Variants in ASNSD1 observed in about 807,000 individuals in gnomAD.
ASNSD1 encodes the protein asparagine synthetase domain-containing protein 1.
In ASNSD1, 36 loss-of-function variants were observed where a neutral mutation model predicts 48.3. The observed-to-expected ratio is 0.75, with a 90% CI of 0.57 to 0.99. ASNSD1 has a LOEUF of 0.99. Among genes scored for constraint, ASNSD1 ranks in the 50% least tolerant of loss-of-function variants. ASNSD1 has a pLI of 0.00. For missense variants in ASNSD1, 714 were observed against 758.2 expected, an observed-to-expected ratio of 0.94 and a Z score of 0.69; for synonymous variants, 257 against 262.1, an observed-to-expected ratio of 0.98 and a Z score of 0.19.
chr2:189,664,600 T>TA (rs1296718801), intron 2 of ASNSD1, among the ~76,000 whole-genome samples: 1 of 152,174 alleles, frequency 6.6e-6, no homozygotes, highest in African/African-American at 2.4e-5. Context: ...TTGAGGCACA[T>TA]ACAAAAATTA....
chr2:189,666,929 C>T lies in ASNSD1; in HGVS notation c.797C>T (p.Thr266Ile), dbSNP rs1054840480. The part of the protein sequence containing the change: ...HCSNISNVPP[T>I]REILQVFLTD... ...AGTAATATTTCCAATGTGCCACCTA[C>T]AAGAGAGATACTTCAAGTCTTTCTT... The change falls in exon 4 of 6, where the codon ACA becomes ATA. Residue 266 changes from threonine (T) to isoleucine (I), a missense_variant. Thr to Ile is a moderately conservative substitution (Grantham distance 89, BLOSUM62 -1). Coordinates refer to ENST00000260952, the MANE Select transcript of ASNSD1 (RefSeq NM_019048.4). 1.9e-5 allele frequency: 30 copies of T among 1,613,930 alleles called. No homozygotes were observed. Among genetic ancestry groups the T allele is most frequent in the Non-Finnish European group, 2.5e-5 (30 of 1,179,994 alleles).
At position 189,667,473 on chromosome 2, in the gene ASNSD1, C is replaced by G. The variant is rs750043361; in HGVS notation, c.1341C>G (p.His447Gln). The change falls in exon 4 of 6, where the codon CAC (histidine) becomes CAG (glutamine). Residue 447 changes from histidine to glutamine, a missense_variant. Coordinates refer to ENST00000260952, the MANE Select transcript of ASNSD1 (RefSeq NM_019048.4). ...AATTAAGAAGAACTCGAATATGTCA[C>G]TTAATTCGGCCATTGGATACAGTTT... is the stretch of plus-strand genomic sequence containing the variant. ...LQKLRRTRIC[H>Q]LIRPLDTVLD... is the part of the protein sequence containing the mutation. 1 of 1,614,080 alleles carries G rather than the reference C, an allele frequency of 6.2e-7. No homozygotes were observed. The highest frequency in any genetic ancestry group is 1.3e-5 in the African/African-American group (1 of 74,928).
Position 189,666,707 on chromosome 2 carries a change from T to C in ASNSD1, c.575T>C (p.Ile192Thr). Residue 192 changes from isoleucine to threonine, a missense_variant, in exon 4 of 6, where the codon ATT (isoleucine) becomes ACT (threonine). Ile to Thr is a moderately conservative substitution (Grantham distance 89). Transcript: ENST00000260952. The part of the protein sequence containing the change: ...DLKSTVISGC[I>T]ILQLYPWKYI... ...AAGTCTACTGTCATTTCCGGATGCA[T>C]TATTTTACAACTGTATCCTTGGAAA... 6.2e-7 allele frequency: 1 copy of C among 1,612,420 alleles called. No homozygotes were observed. Among genetic ancestry groups the C allele is most frequent in the African/African-American group, 1.3e-5 (1 of 75,012 alleles).
Position 189,670,485 on chromosome 2 carries a change from T to C in ASNSD1, c.1691T>C (p.Leu564Pro). 6.2e-7 allele frequency: 1 copy of C among 1,613,164 alleles called. No individual in the cohort carries two copies. Among genetic ancestry groups the C allele is most frequent in the South Asian group, 1.1e-5 (1 of 90,874 alleles). Residue 564 changes from leucine to proline, a missense_variant, in exon 6 of 6, where the codon CTG becomes CCG. Leu to Pro is a moderately conservative substitution (Grantham distance 98). Transcript: ENST00000260952. Reference protein sequence around the residue: ...DENVVSFLNSLPIWEKANLTL... With the variant: ...DENVVSFLNSPPIWEKANLTL... The stretch of plus-strand genomic sequence containing the variant: ...AATGTTGTCTCCTTTCTAAATTCTC[T>C]GCCGATTTGGGAAAAAGCAAACTTG...
chr2:189,667,342 C>G lies in ASNSD1; in HGVS notation c.1210C>G (p.Pro404Ala). The change falls in exon 4 of 6, where the codon CCA becomes GCA. Residue 404 changes from proline to alanine, a missense_variant. Physicochemically the swap from Pro to Ala is conservative, Grantham distance 27. Coordinates refer to ENST00000260952, the MANE Select transcript of ASNSD1 (RefSeq NM_019048.4). Reference sequence around the variant, plus strand: ...CAGTCCTAATAAACATGTCAGTGTACCAGATCGAATCACAGGAAGGGCGGG... The same window carrying G: ...CAGTCCTAATAAACATGTCAGTGTAGCAGATCGAATCACAGGAAGGGCGGG... ...ADSPNKHVSVPDRITGRAGLK... is the reference protein window; with the variant it reads ...ADSPNKHVSVADRITGRAGLK... The G allele has an allele frequency of 6.2e-7, 1 of 1,614,078 alleles. No individual in the cohort carries two copies. Among genetic ancestry groups the G allele is most frequent in the Non-Finnish European group, 8.5e-7 (1 of 1,180,006 alleles).
chr2:189,670,360 A>C (rs977435210), intron 5 of ASNSD1, 81 bp from the exon 6 acceptor site: 51 of 1,228,002 alleles, frequency 4.2e-5, no homozygotes, highest in Admixed American at 2.9e-4. Flanking sequence ...ATTTGGTTAA[A>C]TTTTAGCTAT....
rs1423720024 is a variant in ASNSD1, at chr2:189,667,486, T to C, written c.1354T>C (p.Leu452=). 1.2e-6 allele frequency: 2 copies of C among 1,614,062 alleles called. No individual in the cohort carries two copies. Among genetic ancestry groups the C allele is most frequent in the African/African-American group, 2.7e-5 (2 of 74,928 alleles). The change falls in exon 4 of 6, where the codon TTG becomes CTG. Residue 452 remains leucine, a synonymous_variant. Transcript: ENST00000260952. ...TCGAATATGTCACTTAATTCGGCCA[T>C]TGGATACAGTTTTGGATGATAGCAT... The part of the protein sequence containing the change: ...RTRICHLIRP[L]DTVLDDSIGC...
intron 5 of ASNSD1, among the ~76,000 whole-genome samples, chr2:189,668,476 T>C (rs1016180673): frequency 6.6e-6 from 1 of 151,406 alleles, no homozygotes; most frequent in African/African-American, 2.4e-5. Context: ...GCCACCGCAC[T>C]CCAGCCTGGG....
chr2:189,663,238 TA>T (rs201229463), intron 1 of ASNSD1, among the ~76,000 whole-genome samples: 3,021 of 127,078 alleles, frequency 0.024, 70 homozygotes, highest in East Asian at 0.12. Flanking sequence ...CATATATATA[TA>T]TTTTTTAAAT....
rs568947754 is a variant in ASNSD1 at position 189,665,668 on chromosome 2, A to G, written c.-93+217A>G. ...TATATTATAAATGTTTTAGAAAGCA[A>G]TAGTTATTAACATGTGCTTTAGAAT... On this transcript the variant is annotated intron_variant, in intron 3 of 5. Transcript: ENST00000260952. Among the ~76,000 whole-genome samples the G allele has an allele frequency of 1.9e-4, 28 of 143,844 alleles. 2 individuals are homozygous for G. Among genetic ancestry groups the G allele is most frequent in the African/African-American group, 7.2e-4 (28 of 38,714 alleles). 94.4% of individuals were successfully genotyped at this position (143,844 alleles called of 152,430 possible).
intron 5 of ASNSD1, among the ~76,000 whole-genome samples, chr2:189,668,423 T>C (rs1024288189): frequency 1.3e-5 from 2 of 152,176 alleles, no homozygotes; most frequent in African/African-American, 4.8e-5. Flanking sequence ...AGGCTGAGAA[T>C]GGCTGAACCC....
Position 189,667,256 on chromosome 2 carries a change from A to C in ASNSD1, c.1124A>C (p.Lys375Thr), listed in dbSNP as rs2032829272. Residue 375 changes from lysine to threonine, a missense_variant, in exon 4 of 6, where the codon AAA (lysine) becomes ACA (threonine). By Grantham distance (78) the Lys-to-Thr change is moderately conservative. Transcript: ENST00000260952. ...TTTAACAGAGAAGGGAATAAACAGA[A>C]AAATAAATGTGAAATACCTTCAGAA... The part of the protein sequence containing the change: ...TTFNREGNKQ[K>T]NKCEIPSEEF... 1.2e-6 allele frequency: 2 copies of C among 1,614,164 alleles called. No homozygotes were observed. The highest frequency in any genetic ancestry group is 4.5e-5 in the East Asian group (2 of 44,890).
At chr2:189,663,481 G>A (rs1466618920) in intron 1 of ASNSD1, among the ~76,000 whole-genome samples, 1 of 152,154 alleles carries the variant, frequency 6.6e-6, no homozygotes, top group Admixed American at 6.5e-5. Context: ...TCGAACTCCC[G>A]ACTTCAGGTG....
At chr2:189,665,598 G>GTATATATATATATATATA (rs869147580) in intron 3 of ASNSD1, 147 bp downstream of exon 3, 1 of 14,634 alleles carries the variant, frequency 6.8e-5, no homozygotes, top group African/African-American at 1.2e-4. Context: ...ATATATATGT[G>GTATATATATATATATATA]TATATATATA....
Position 189,667,101 on chromosome 2 carries a change from A to G in ASNSD1, c.969A>G (p.Ala323=). The change falls in exon 4 of 6, where the codon GCA becomes GCG. Residue 323 remains alanine, a synonymous_variant. Coordinates refer to ENST00000260952, the MANE Select transcript of ASNSD1 (RefSeq NM_019048.4). ...LKTCDRKANV[A]ILFSGGIDSM... is the part of the protein sequence containing the mutation. The stretch of plus-strand genomic sequence containing the variant: ...CGTGTGATAGGAAAGCAAATGTTGC[A>G]ATCCTGTTTTCTGGGGGCATTGATT... 1 of 1,614,212 alleles carries G rather than the reference A, an allele frequency of 6.2e-7. No homozygotes were observed. Among genetic ancestry groups the G allele is most frequent in the Non-Finnish European group, 8.5e-7 (1 of 1,180,024 alleles).
At chr2:189,668,808 G>A (rs1289226811) in intron 5 of ASNSD1, among the ~76,000 whole-genome samples, 2 of 152,180 alleles carry the variant, frequency 1.3e-5, no homozygotes, top group Admixed American at 1.3e-4. Context: ...TTTCATGTAT[G>A]TATTCTTGCT....
chr2:189,669,079 T>C (rs930020693), intron 5 of ASNSD1, among the ~76,000 whole-genome samples: 1 of 152,008 alleles, frequency 6.6e-6, no homozygotes, highest in Non-Finnish European at 1.5e-5. Flanking sequence ...CTCTCTCTCT[T>C]TGACTTCATT....
In ASNSD1 at chr2:189,670,518, C is replaced by T. The variant is rs779398264; in HGVS notation, c.1724C>T (p.Pro575Leu). The change falls in exon 6 of 6, where the codon CCC (proline) becomes CTC (leucine). Residue 575 changes from proline to leucine, a missense_variant. Coordinates refer to ENST00000260952, the MANE Select transcript of ASNSD1 (RefSeq NM_019048.4). ...PIWEKANLTL[P>L]RGIGEKLLLR... ...TGGGAAAAAGCAAACTTGACTTTAC[C>T]CCGAGGAATTGGTGAAAAATTACTT... The T allele has an allele frequency of 3.1e-6, 5 of 1,613,680 alleles. No individual in the cohort carries two copies. The highest frequency in any genetic ancestry group is 2.5e-6 in the Non-Finnish European group (3 of 1,179,766).
rs2032806239 is a variant in ASNSD1 at position 189,666,453 on chromosome 2, G to C, written c.321G>C (p.Glu107Asp). ...NYLSSCKNES[E>D]ILSLFSEVQG... ...TTTCCTCCTGTAAGAATGAATCTGA[G>C]ATTTTGTCACTCTTCTCAGAAGTAC... Residue 107 changes from glutamate (E) to aspartate (D), a missense_variant, in exon 4 of 6, where the codon GAG (glutamate) becomes GAC (aspartate). Transcript: ENST00000260952. 6.2e-7 allele frequency: 1 copy of C among 1,613,652 alleles called. No individual in the cohort carries two copies. Among genetic ancestry groups the C allele is most frequent in the Non-Finnish European group, 8.5e-7 (1 of 1,179,906 alleles).
Sources: gnomAD v4.1 joint callset for allele counts (sites outside exome capture counted in the v4.1 genomes callset) on GRCh38, gnomAD v4.1.1 for gene constraint, MANE v1.5 for transcripts, NCBI Gene and HGNC (gene_info 2026-07-23, HGNC 2026-07-21) for gene names.